Variants in ANKRD30B observed in about 807,000 individuals in gnomAD.
ANKRD30B encodes the protein ankyrin repeat domain-containing protein 30B.
Under a neutral mutation model 202.2 loss-of-function variants are expected in ANKRD30B, and 144 were observed. The observed-to-expected ratio is 0.71, with a 90% CI of 0.62 to 0.82. The LOEUF is 0.82. Among genes scored for constraint, ANKRD30B ranks in the 40% least tolerant of loss-of-function variants. ANKRD30B has a pLI of 0.00. For synonymous variants in ANKRD30B, 508 were observed against 561.3 expected (o/e 0.91, Z 1.34); for missense variants, 1,487 against 1,669.1 (o/e 0.89, Z 1.90).
intron 39 of ANKRD30B, among the ~76,000 whole-genome samples, chr18:14,847,719 T>TC (rs1236673818): frequency 6.6e-6 from 1 of 151,662 alleles, no homozygotes; most frequent in African/African-American, 2.4e-5. Context: ...ATGAGCTGAC[T>TC]CCCCACACCT....
chr18:14,879,771 G>A, the ANKRD30B span, among the ~76,000 whole-genome samples: 1 of 151,828 alleles, frequency 6.6e-6, no homozygotes, highest in Non-Finnish European at 1.5e-5. Context: ...CAGGGGATAG[G>A]GGTCAGGGTC....
chr18:14,886,270 A>G, the ANKRD30B span, among the ~76,000 whole-genome samples: 1 of 152,162 alleles, frequency 6.6e-6, no homozygotes, highest in Non-Finnish European at 1.5e-5. Context: ...ACCCAGCTGC[A>G]TGACCTTAGG....
At chr18:14,883,413 A>C in the ANKRD30B span, 19 of 40,030 alleles carry the variant, frequency 4.7e-4, no homozygotes, top group African/African-American at 1.5e-3. Flanking sequence ...ATATATATAT[A>C]TATATATATA....
At chr18:14,804,492 C>T (rs1969374916) in intron 24 of ANKRD30B, among the ~76,000 whole-genome samples, 1 of 148,610 alleles carries the variant, frequency 6.7e-6, no homozygotes, top group South Asian at 2.2e-4. Flanking sequence ...ACAATTCACA[C>T]TGTGATTCAG....
At chr18:14,799,803 C>T (rs116617668) in intron 22 of ANKRD30B, among the ~76,000 whole-genome samples, 249 of 152,072 alleles carry the variant, frequency 1.6e-3, no homozygotes, top group African/African-American at 5.6e-3. Flanking sequence ...TGATTCTTTG[C>T]TAGATACACT....
chr18:14,797,563 A>G, intron 18 of ANKRD30B, 98 bp from the exon 19 acceptor site: 1 of 1,348,706 alleles, frequency 7.4e-7, no homozygotes, highest in Middle Eastern at 2.0e-4. Context: ...TTTCCAATCC[A>G]AGCATGAGGA....
chr18:14,827,760 C>T (rs1970725276), intron 32 of ANKRD30B, among the ~76,000 whole-genome samples: 1 of 152,180 alleles, frequency 6.6e-6, no homozygotes, highest in South Asian at 2.1e-4. Flanking sequence ...ACTAATTCTG[C>T]TAATAATACA....
the ANKRD30B span, chr18:14,888,764 C>G: frequency 1.8e-6 from 2 of 1,123,176 alleles, no homozygotes; most frequent in Non-Finnish European, 1.3e-6. Flanking sequence ...TTTTTTTCCT[C>G]TTAGAGGAAT....
At chr18:14,808,614 CTACA>C (rs1969706182) in intron 25 of ANKRD30B, 35 bp downstream of exon 25, 1 of 1,573,044 alleles carries the variant, frequency 6.4e-7, no homozygotes. Context: ...TGAATATTAA[CTACA>C]TATTTTTGAA....
the ANKRD30B span, among the ~76,000 whole-genome samples, chr18:14,913,226 G>C: frequency 2.6e-5 from 4 of 152,298 alleles, no homozygotes; most frequent in East Asian, 7.7e-4. Flanking sequence ...CAGCCTTTTA[G>C]TTACCCAGGG....
At chr18:14,779,746 CT>C (rs1967601208) in intron 10 of ANKRD30B, among the ~76,000 whole-genome samples, 1 of 111,744 alleles carries the variant, frequency 8.9e-6, no homozygotes, top group African/African-American at 3.2e-5. Context: ...ATTTTTATTG[CT>C]TTTTGCATTC....
intron 33 of ANKRD30B, among the ~76,000 whole-genome samples, chr18:14,830,967 G>C (rs1045872764): frequency 1.3e-5 from 2 of 151,780 alleles, no homozygotes; most frequent in African/African-American, 4.8e-5. Context: ...CAGATCACGA[G>C]GTCAGGAGAT....
intron 35 of ANKRD30B, 40 bp downstream of exon 35, chr18:14,837,329 T>C: frequency 6.8e-7 from 1 of 1,469,662 alleles, no homozygotes; most frequent in Non-Finnish European, 9.2e-7. Context: ...ATAATAGAAA[T>C]GGTAAATTAG....
intron 1 of ANKRD30B, among the ~76,000 whole-genome samples, chr18:14,751,787 A>G (rs1336196504): frequency 6.6e-5 from 10 of 152,186 alleles, no homozygotes; most frequent in African/African-American, 2.4e-4. Flanking sequence ...CCTATTGTGT[A>G]GTCCTCTAAA....
At chr18:14,757,664 TC>T (rs1215893718) in intron 4 of ANKRD30B, 150 bp from the exon 5 acceptor site, 2 of 850,238 alleles carry the variant, frequency 2.4e-6, no homozygotes, top group Non-Finnish European at 3.4e-6. Flanking sequence ...TTTTGCCCCT[TC>T]CTTTTAGATT....
chr18:14,845,831 C>T (rs1971615268), intron 39 of ANKRD30B, among the ~76,000 whole-genome samples: 1 of 152,092 alleles, frequency 6.6e-6, no homozygotes, highest in African/African-American at 2.4e-5. Context: ...CATTCTTTTT[C>T]CCTGTGCCCT....
At chr18:14,868,549 G>A in the ANKRD30B span, among the ~76,000 whole-genome samples, 2 of 152,280 alleles carry the variant, frequency 1.3e-5, no homozygotes. Context: ...TGTGTTGGAG[G>A]GAGTTCACCA....
intron 30 of ANKRD30B, chr18:14,816,020 A>C (rs571633702): frequency 6.6e-6 from 1 of 152,342 alleles, no homozygotes; most frequent in South Asian, 2.1e-4. Flanking sequence ...TTCTACATTC[A>C]GCTGAACTCT....
chr18:14,768,092 T>C (rs558157364), intron 7 of ANKRD30B, among the ~76,000 whole-genome samples: 2 of 152,268 alleles, frequency 1.3e-5, no homozygotes, highest in East Asian at 3.9e-4. Flanking sequence ...GTGTTGGGAC[T>C]TTCAGCCCCA....
Sources: gnomAD v4.1 joint callset for allele counts (sites outside exome capture counted in the v4.1 genomes callset) on GRCh38, gnomAD v4.1.1 for gene constraint, MANE v1.5 for transcripts, NCBI Gene and HGNC (gene_info 2026-07-23, HGNC 2026-07-21) for gene names.